The following MGST1 variants were observed in gnomAD, a reference collection of about 807,000 sequenced individuals.
MGST1 encodes microsomal glutathione S-transferase 1, also known as glutathione S-transferase 12.
MGST1 carries 5 observed loss-of-function variants against 8.9 expected under a neutral mutation model. The ratio of observed to expected loss-of-function variants is 0.56; its 90% CI spans 0.29 to 1.19. The LOEUF is 1.19. Among genes scored for constraint, MGST1 ranks in the 50% most tolerant of loss-of-function variants. The pLI, the probability that MGST1 is intolerant of heterozygous loss-of-function variation, is 0.08. For synonymous variants in MGST1, 54 were observed against 67.8 expected (o/e 0.80, Z 1.00); for missense variants, 182 against 187.4 (o/e 0.97, Z 0.17).
chr12:16,572,171 C>T (rs1225194518), intron 4 of MGST1, among the ~76,000 whole-genome samples: 3 of 151,530 alleles, frequency 2.0e-5, no homozygotes, highest in Admixed American at 6.6e-5. Flanking sequence ...AATAAATTAC[C>T]ACAACTCTCA....
chr12:16,527,024 T>A (rs546780197), intron 4 of MGST1, among the ~76,000 whole-genome samples: 2 of 152,142 alleles, frequency 1.3e-5, no homozygotes, highest in Admixed American at 1.3e-4. Flanking sequence ...AGCAGAAGAA[T>A]TCCTAGGCTG....
rs767787750 is a variant in MGST1 at position 16,586,206 on chromosome 12, T to TCA, written n.483-3322_483-3321insCA. Among the ~76,000 whole-genome samples the TCA allele has an allele frequency of 5.0e-3, 759 of 152,356 alleles. 2 individuals carry two copies. Among genetic ancestry groups the TCA allele is most frequent in the Non-Finnish European group, 7.1e-3 (485 of 68,034 alleles). On this transcript the variant is annotated intron_variant and non_coding_transcript_variant, in intron 4 of 4. Coordinates refer to the MGST1 transcript ENST00000538857. This position sits in a 1 kb window ranked among gnomAD's most constrained non-coding sequence, Gnocchi z 4.3. Reference sequence around the variant, plus strand: ...TCAGGTAATCTGCCATAAATACTATTTCCTTCAGATGACTTCTTAAAACAT... The same window carrying TCA: ...TCAGGTAATCTGCCATAAATACTATTCATCCTTCAGATGACTTCTTAAAACAT...
rs1346686822 is a variant in MGST1 at position 16,587,653 on chromosome 12, G to T, written n.483-1875G>T. On this transcript the variant is annotated intron_variant and non_coding_transcript_variant, in intron 4 of 4. Transcript: ENST00000538857. The surrounding 1 kb of genome is among the most constrained non-coding windows in gnomAD (Gnocchi z 4.3). Reference sequence around the variant, plus strand: ...AATGGACCCTATAATAGCAAGCACTGGTCTGTCAGGAGTGCATTTTAACAG... The same window carrying T: ...AATGGACCCTATAATAGCAAGCACTTGTCTGTCAGGAGTGCATTTTAACAG... Among the ~76,000 whole-genome samples, 3 of 151,842 alleles carry T rather than the reference G, an allele frequency of 2.0e-5. No homozygotes were observed. Among genetic ancestry groups the T allele is most frequent in the Non-Finnish European group, 4.4e-5 (3 of 67,924 alleles).
At chr12:16,525,302 C>G (rs1392480117) in intron 4 of MGST1, among the ~76,000 whole-genome samples, 4 of 130,494 alleles carry the variant, frequency 3.1e-5, no homozygotes, top group African/African-American at 1.1e-4. Flanking sequence ...CCCCTCCCCC[C>G]ACCCCACAAC....
At chr12:16,405,695 A>G (rs1940693023) in intron 1 of MGST1, among the ~76,000 whole-genome samples, 1 of 148,398 alleles carries the variant, frequency 6.7e-6, no homozygotes, top group Admixed American at 6.9e-5. Context: ...CCAACAGCAC[A>G]TCCAAAAGCT....
At chr12:16,463,619 A>G (rs1266183282) in intron 4 of MGST1, among the ~76,000 whole-genome samples, 2 of 146,510 alleles carry the variant, frequency 1.4e-5, no homozygotes, top group Non-Finnish European at 3.0e-5. Flanking sequence ...AGAAAAAAAA[A>G]GAAATCAGTG....
rs1045597807 is a variant in MGST1 at position 16,586,027 on chromosome 12, G to C, written n.483-3501G>C. ...TTAGGACACTGATGTTTTTGCAGCT[G>C]TTAATGAAAATCTTCAACACAGGAA... On this transcript the variant is annotated intron_variant and non_coding_transcript_variant, in intron 4 of 4. Coordinates refer to the MGST1 transcript ENST00000538857. The surrounding 1 kb of genome is among the most constrained non-coding windows in gnomAD (Gnocchi z 4.3). Among the ~76,000 whole-genome samples the C allele has an allele frequency of 2.0e-5, 3 of 152,074 alleles. No individual in the cohort carries two copies. Among genetic ancestry groups the C allele is most frequent in the Non-Finnish European group, 4.4e-5 (3 of 68,016 alleles).
chr12:16,403,940 T>C (rs1940679495), intron 1 of MGST1, among the ~76,000 whole-genome samples: 1 of 152,212 alleles, frequency 6.6e-6, no homozygotes, highest in Non-Finnish European at 1.5e-5. Context: ...ATGGGGATTA[T>C]AATTCAAGAT....
chr12:16,357,804 CCT>C, intron 3 of MGST1, 105 bp downstream of exon 3: 1 of 772,722 alleles, frequency 1.3e-6, no homozygotes, highest in Non-Finnish European at 2.1e-6. Flanking sequence ...AAAAGTGAGA[CCT>C]CTTACCTACT....
At chr12:16,476,798 G>A (rs1032652576) in intron 4 of MGST1, among the ~76,000 whole-genome samples, 1 of 152,146 alleles carries the variant, frequency 6.6e-6, no homozygotes, top group Admixed American at 6.5e-5. Context: ...AGATAGCATG[G>A]CACCCACCTG....
chr12:16,454,258 T>C (rs914286858), intron 4 of MGST1, among the ~76,000 whole-genome samples: 4 of 151,966 alleles, frequency 2.6e-5, no homozygotes, highest in Admixed American at 2.6e-4. Flanking sequence ...TATTTTTTCC[T>C]GGTAGGCAAA....
At chr12:16,379,782 T>A (rs1940431651), downstream of MGST1, among the ~76,000 whole-genome samples, 1 of 152,216 alleles carries the variant, frequency 6.6e-6, no homozygotes, top group African/African-American at 2.4e-5. Context: ...GGTCCTGGAC[T>A]GTTTTTGGCT....
chr12:16,422,901 G>C (rs1940850706), intron 1 of MGST1, among the ~76,000 whole-genome samples: 1 of 152,032 alleles, frequency 6.6e-6, no homozygotes. Flanking sequence ...TTGTTACATG[G>C]ACATGCTGAT....
chr12:16,534,939 T>C (rs1941745581), intron 4 of MGST1, among the ~76,000 whole-genome samples: 1 of 152,174 alleles, frequency 6.6e-6, no homozygotes, highest in Non-Finnish European at 1.5e-5. Flanking sequence ...GTGGGAGAGA[T>C]GGTTCTCGGG....
At chr12:16,454,902 AAAGGAG>A (rs1941160850) in intron 4 of MGST1, among the ~76,000 whole-genome samples, 5 of 125,990 alleles carry the variant, frequency 4.0e-5, no homozygotes, top group African/African-American at 1.6e-4. Flanking sequence ...AAAAAAAAAA[AAAGGAG>A]ATGGGAAGAT....
intron 4 of MGST1, among the ~76,000 whole-genome samples, chr12:16,464,632 C>T (rs986456112): frequency 1.3e-5 from 2 of 152,192 alleles, no homozygotes; most frequent in African/African-American, 4.8e-5. Context: ...AGGTACTCAC[C>T]TATATTACTG....
At chr12:16,379,890 C>T (rs892775822), downstream of MGST1, among the ~76,000 whole-genome samples, 4 of 152,102 alleles carry the variant, frequency 2.6e-5, no homozygotes, top group Non-Finnish European at 4.4e-5. Context: ...ATGTATGTGT[C>T]AAGGAATTTA....
At chr12:16,427,264 G>A (rs1940899043) in intron 1 of MGST1, among the ~76,000 whole-genome samples, 1 of 152,126 alleles carries the variant, frequency 6.6e-6, no homozygotes, top group Non-Finnish European at 1.5e-5. Context: ...GTGATGAGTG[G>A]GAATGATCTA....
chr12:16,409,189 T>G (rs1271789075), intron 1 of MGST1, among the ~76,000 whole-genome samples: 1 of 152,168 alleles, frequency 6.6e-6, no homozygotes, highest in Non-Finnish European at 1.5e-5. Context: ...CACAAAGAGA[T>G]ATGTCAACTA....
Sources: allele counts gnomAD v4.1 joint callset (sites outside exome capture counted in the v4.1 genomes callset), GRCh38; gene constraint gnomAD v4.1.1; non-coding constraint Gnocchi (gnomAD v3.1); transcripts MANE v1.5; gene names NCBI Gene and HGNC (gene_info 2026-07-23, HGNC 2026-07-21).